PCDH15: variants seen among roughly 807,000 people sequenced by gnomAD.
PCDH15 encodes protocadherin related 15, also known as protocadherin-15.
PCDH15 carries 129 observed loss-of-function variants against 178.5 expected under a neutral mutation model. The observed-to-expected ratio is 0.72, with a 90% CI of 0.63 to 0.84. PCDH15 has a LOEUF of 0.84. PCDH15 is among the 40% of genes least tolerant of loss of function. The pLI, the probability that PCDH15 is intolerant of heterozygous loss-of-function variation, is 0.00. For synonymous variants in PCDH15, 800 were observed against 732.0 expected (o/e 1.09, Z -1.50); for missense variants, 2,230 against 2,099.9 (o/e 1.06, Z -1.21).
intron 1 of PCDH15, among the ~76,000 whole-genome samples, chr10:54,720,700 T>C (rs1941454706): frequency 6.6e-6 from 1 of 152,040 alleles, no homozygotes; most frequent in African/African-American, 2.4e-5. Context: ...CTATCTATCC[T>C]AAATATATGT....
At chr10:54,086,043 CT>C (rs2094510576) in intron 16 of PCDH15, among the ~76,000 whole-genome samples, 1 of 151,892 alleles carries the variant, frequency 6.6e-6, no homozygotes, top group Non-Finnish European at 1.5e-5. Flanking sequence ...TTTAGCGTAC[CT>C]GTCTTAGTCC....
intron 26 of PCDH15, among the ~76,000 whole-genome samples, chr10:53,889,928 C>T (rs2081434298): frequency 6.6e-6 from 1 of 151,904 alleles, no homozygotes; most frequent in East Asian, 1.9e-4. Context: ...ACAAGAAAAA[C>T]AAATTTATGG....
intron 2 of PCDH15, among the ~76,000 whole-genome samples, chr10:55,444,031 G>A (rs1839258233): frequency 6.6e-6 from 1 of 151,706 alleles, no homozygotes; most frequent in Admixed American, 6.6e-5. Flanking sequence ...AACTAACACA[G>A]GAACAAAATA....
intron 26 of PCDH15, among the ~76,000 whole-genome samples, chr10:53,867,879 T>A (rs528522738): frequency 6.6e-6 from 1 of 152,162 alleles, no homozygotes; most frequent in African/African-American, 2.4e-5. Context: ...ACTTCCTTTT[T>A]AATCATCCTG....
intron 8 of PCDH15, among the ~76,000 whole-genome samples, chr10:54,307,098 GTGTGTGTATATA>G (rs1564922721): frequency 0.014 from 188 of 13,566 alleles, 21 homozygotes; most frequent in African/African-American, 0.066. Flanking sequence ...ATATATGTGT[GTGTGTGTATATA>G]TATATATATA....
At chr10:54,335,880 C>G (rs1008980016) in intron 6 of PCDH15, among the ~76,000 whole-genome samples, 2 of 152,070 alleles carry the variant, frequency 1.3e-5, no homozygotes, top group Non-Finnish European at 2.9e-5. Flanking sequence ...TTGGAGGGCT[C>G]AGAAGGACAG....
intron 2 of PCDH15, among the ~76,000 whole-genome samples, chr10:55,345,078 ATC>A (rs200624183): frequency 6.6e-6 from 1 of 151,978 alleles, no homozygotes; most frequent in African/African-American, 2.4e-5. Context: ...ATATCTCTAT[ATC>A]TCTCTGTTTC....
chr10:54,866,731 T>G (rs551983755), intron 3 of PCDH15, among the ~76,000 whole-genome samples: 1 of 152,164 alleles, frequency 6.6e-6, no homozygotes, highest in Non-Finnish European at 1.5e-5. Flanking sequence ...ACAGAAAAGT[T>G]ATGTTACATC....
rs927451260 is a variant in PCDH15 at position 54,153,046 on chromosome 10, T to G, written c.1784+54A>C. The G allele has an allele frequency of 6.3e-6, 10 of 1,591,922 alleles. No homozygotes were observed. The African/African-American group carries it at 1.3e-4, about 21-fold the overall frequency. On this transcript the variant is annotated intron_variant, in intron 14 of 37. Transcript: ENST00000644397. ...ACTTGCCGCGCTTCTTAAATTTAAT[T>G]ACAGGGTTAAACGGGCCCGATGAAA...
intron 1 of PCDH15, among the ~76,000 whole-genome samples, chr10:54,764,195 T>A (rs1423524847): frequency 2.6e-5 from 4 of 152,056 alleles, no homozygotes; most frequent in Non-Finnish European, 5.9e-5. Context: ...TGATCAAAAA[T>A]TGGTTCACTG....
intron 26 of PCDH15, among the ~76,000 whole-genome samples, chr10:53,892,028 T>TG (rs1177681910): frequency 2.1e-5 from 3 of 143,376 alleles, no homozygotes; most frequent in Non-Finnish European, 4.5e-5. Context: ...ATGTTTTTTT[T>TG]TTTTTTTTTT....
At chr10:54,731,127 C>A (rs1450495604) in intron 1 of PCDH15, among the ~76,000 whole-genome samples, 1 of 151,174 alleles carries the variant, frequency 6.6e-6, no homozygotes, top group African/African-American at 2.4e-5. Flanking sequence ...AAGAGACATA[C>A]AAATGGCCCA....
chr10:54,611,393 T>C (rs186702701), intron 2 of PCDH15, among the ~76,000 whole-genome samples: 298 of 152,012 alleles, frequency 2.0e-3, no homozygotes, highest in Non-Finnish European at 2.6e-3. Flanking sequence ...TCTGATTACT[T>C]TAGAATTCTG....
At chr10:54,817,670 A>G (rs1215516011) in intron 3 of PCDH15, among the ~76,000 whole-genome samples, 1 of 152,038 alleles carries the variant, frequency 6.6e-6, no homozygotes, top group Non-Finnish European at 1.5e-5. Flanking sequence ...CTTACAAAGA[A>G]TTATACACTG....
At chr10:53,820,054 C>G (rs2076201348) in intron 33 of PCDH15, 111 bp downstream of exon 33, 3 of 393,084 alleles carry the variant, frequency 7.6e-6, no homozygotes, top group South Asian at 1.3e-4. Context: ...TCTTTTGTTA[C>G]TATTTATAGA....
chr10:55,618,905 G>T (rs759949901), intron 2 of PCDH15, among the ~76,000 whole-genome samples: 3 of 151,988 alleles, frequency 2.0e-5, no homozygotes, highest in African/African-American at 4.8e-5. Context: ...ATGTGCTTAG[G>T]CATGATGACA....
intron 1 of PCDH15, among the ~76,000 whole-genome samples, chr10:54,696,913 G>A (rs1285364436): frequency 6.6e-6 from 1 of 152,024 alleles, no homozygotes; most frequent in Non-Finnish European, 1.5e-5. Context: ...CATCTCCCCT[G>A]ACCATCAGGC....
At chr10:54,530,014 A>G (rs2083749747) in intron 2 of PCDH15, among the ~76,000 whole-genome samples, 1 of 152,072 alleles carries the variant, frequency 6.6e-6, no homozygotes. Context: ...AGGAATAAAT[A>G]TTTAATCAAC....
At chr10:54,456,324 A>G (rs555118607) in intron 3 of PCDH15, among the ~76,000 whole-genome samples, 7 of 152,298 alleles carry the variant, frequency 4.6e-5, no homozygotes, top group African/African-American at 1.7e-4. Flanking sequence ...TTGGAAAGGC[A>G]TAACTTGGAT....
Sources: allele counts gnomAD v4.1 joint callset (sites outside exome capture counted in the v4.1 genomes callset), GRCh38; gene constraint gnomAD v4.1.1; transcripts MANE v1.5; gene names NCBI Gene and HGNC (gene_info 2026-07-23, HGNC 2026-07-21).